MLC1: variants seen among roughly 807,000 people sequenced by gnomAD.
MLC1 encodes modulator of VRAC current 1.
In MLC1, 32 loss-of-function variants were observed where a neutral mutation model predicts 44.7. That is an observed-to-expected ratio of 0.72 (90% confidence interval 0.54 to 0.96). The LOEUF (loss-of-function observed/expected upper bound fraction) is 0.96, where lower values mean the gene tolerates loss of function less well. MLC1 is among the 40% of genes least tolerant of loss of function. The pLI is 0.00. For synonymous variants in MLC1, 190 were observed against 213.0 expected, an observed-to-expected ratio of 0.89 and a Z score of 0.94; for missense variants, 459 against 492.2, an observed-to-expected ratio of 0.93 and a Z score of 0.64.
At chr22:50,078,701 T>C (rs1422899991) in intron 5 of MLC1, among the ~76,000 whole-genome samples, 1 of 148,892 alleles carries the variant, frequency 6.7e-6, no homozygotes, top group Non-Finnish European at 1.5e-5. Context: ...ATGGAGCCAC[T>C]GCACTCCAGT....
chr22:50,071,590 T>C (rs137923), intron 8 of MLC1, among the ~76,000 whole-genome samples: 144,538 of 152,202 alleles, frequency 0.95, 68,715 homozygotes, highest in East Asian at 1. Flanking sequence ...GATTTCCTCA[T>C]GATGAGCCTT....
Position 50,060,921 on chromosome 22 carries a change from G to A in MLC1, c.*662C>T. 1 of 157,080 alleles carries A rather than the reference G, an allele frequency of 6.4e-6. No individual in the cohort carries two copies. The highest frequency in any genetic ancestry group is 6.0e-5 in the Admixed American group (1 of 16,618). The allele number at this position is 157,080 out of a possible 1,614,324, so 9.7% of individuals were successfully genotyped here. A position where few individuals can be genotyped will look rare whatever the true frequency, so the allele number is the denominator to read the frequency against. ...GTAGGGAGACAGGGCAGGCGACCCG[G>A]CGTGGACTGGTGTGGATTTCACCTG... On this transcript the variant is annotated 3_prime_UTR_variant, in exon 12 of 12. Coordinates refer to ENST00000311597, the MANE Select transcript of MLC1 (RefSeq NM_015166.4).
intron 4 of MLC1, 117 bp downstream of exon 4, chr22:50,080,227 C>T: frequency 7.4e-7 from 1 of 1,359,622 alleles, no homozygotes; most frequent in Non-Finnish European, 1.0e-6. Flanking sequence ...ACCTCGGGGG[C>T]CCCTCTCGGT....
At chr22:50,062,611 G>A (rs961714223) in intron 11 of MLC1, among the ~76,000 whole-genome samples, 1 of 152,268 alleles carries the variant, frequency 6.6e-6, no homozygotes, top group Non-Finnish European at 1.5e-5. Flanking sequence ...GACTTAGCGG[G>A]CACTGGAGGC....
chr22:50,074,531 G>A (rs904698944), intron 7 of MLC1, 199 bp from the exon 8 acceptor site: 15 of 614,314 alleles, frequency 2.4e-5, no homozygotes, highest in Admixed American at 7.5e-5. Flanking sequence ...GGCTTTTCAC[G>A]TCCCTCCTGG....
At chr22:50,082,162 G>A (rs1302620453) in intron 3 of MLC1, among the ~76,000 whole-genome samples, 1 of 152,046 alleles carries the variant, frequency 6.6e-6, no homozygotes, top group Non-Finnish European at 1.5e-5. Flanking sequence ...TGAAGCAGGA[G>A]GGGCGTGGGG....
intron 9 of MLC1, 128 bp downstream of exon 9, chr22:50,070,399 G>T: frequency 2.2e-6 from 2 of 926,876 alleles, no homozygotes; most frequent in Non-Finnish European, 3.4e-6. Context: ...TCATTGTGCA[G>T]GCCCTGCAGC....
At chr22:50,084,688 C>A in intron 2 of MLC1, 38 bp downstream of exon 2, 1 of 1,608,160 alleles carries the variant, frequency 6.2e-7, no homozygotes, top group Non-Finnish European at 8.5e-7. Context: ...GGACCAGATG[C>A]TCGTGGCCCT....
chr22:50,074,414 C>A lies in MLC1; in HGVS notation c.598-82G>T, dbSNP rs964499654. On this transcript the variant is annotated intron_variant, in intron 7 of 11. Coordinates refer to ENST00000311597, the MANE Select transcript of MLC1 (RefSeq NM_015166.4). ...CAGAATGCACTGTGCAGACATGGAC[C>A]CCCAGGAGCAGGGTCCAGTGGGCTG... 15 of 1,256,248 alleles carry A rather than the reference C, an allele frequency of 1.2e-5. No individual in the cohort carries two copies. The Admixed American group carries it at 2.0e-4, about 17-fold the overall frequency. 77.8% of individuals were successfully genotyped at this position (1,256,248 alleles called of 1,614,324 possible). A position where few individuals can be genotyped will look rare whatever the true frequency, so the allele number is the denominator to read the frequency against.
At chr22:50,080,817 C>T (rs905889737) in intron 3 of MLC1, among the ~76,000 whole-genome samples, 1 of 152,092 alleles carries the variant, frequency 6.6e-6, no homozygotes, top group Non-Finnish European at 1.5e-5. Context: ...TAGAATGTAA[C>T]TCACGCAGGC....
At chr22:50,085,022 A>G in intron 1 of MLC1, 61 bp from the exon 2 acceptor site, 2 of 1,518,324 alleles carry the variant, frequency 1.3e-6, no homozygotes. Flanking sequence ...GTTGTTTCCA[A>G]GAAATATTTT....
intron 3 of MLC1, among the ~76,000 whole-genome samples, chr22:50,082,226 G>A (rs2062162575): frequency 1.0e-5 from 1 of 95,532 alleles, no homozygotes; most frequent in Non-Finnish European, 2.5e-5. Context: ...GGGCCAGAGG[G>A]GCATGGGGTG....
At position 50,084,959 on chromosome 22, in the gene MLC1, T is replaced by C. The variant is rs2062245241; in HGVS notation, c.-57A>G. 6.3e-7 allele frequency: 1 copy of C among 1,598,832 alleles called. No individual in the cohort carries two copies. The highest frequency in any genetic ancestry group is 1.3e-5 in the African/African-American group (1 of 74,874). On this transcript the variant is annotated splice_region_variant and 5_prime_UTR_variant, in exon 2 of 12. The change creates a new upstream start codon in the 5' untranslated region. Transcript: ENST00000311597. ...GTACAGCCACGTGTCACCAGTTCTT[T>C]ATCTGGAATAAAATTATCATCGGCT...
At chr22:50,076,681 C>T (rs748782281) in intron 7 of MLC1, among the ~76,000 whole-genome samples, 160 bp downstream of exon 7, 2 of 152,242 alleles carry the variant, frequency 1.3e-5, no homozygotes, top group Non-Finnish European at 2.9e-5. Flanking sequence ...ACCAATGATA[C>T]CAATAACAGA....
intron 10 of MLC1, 69 bp from the exon 11 acceptor site, chr22:50,064,267 C>T (rs904622060): frequency 7.4e-5 from 113 of 1,531,824 alleles, no homozygotes; most frequent in African/African-American, 1.9e-4. Flanking sequence ...AAAGCTCCCT[C>T]GTGCCCACGG....
chr22:50,077,103 C>T (rs532122291), intron 6 of MLC1, among the ~76,000 whole-genome samples, 191 bp from the exon 7 acceptor site: 1 of 152,326 alleles, frequency 6.6e-6, no homozygotes, highest in African/African-American at 2.4e-5. Context: ...TGAAAATTAG[C>T]AGATGTGGTG....
chr22:50,076,599 C>T (rs1227340452), intron 7 of MLC1, among the ~76,000 whole-genome samples: 2 of 152,048 alleles, frequency 1.3e-5, no homozygotes, highest in African/African-American at 4.8e-5. Flanking sequence ...GTCAACTCAC[C>T]TACGGCAGTA....
At chr22:50,075,428 C>G (rs901255398) in intron 7 of MLC1, among the ~76,000 whole-genome samples, 1 of 152,100 alleles carries the variant, frequency 6.6e-6, no homozygotes, top group African/African-American at 2.4e-5. Flanking sequence ...AGCTGAATTC[C>G]CAGCCAGGCA....
intron 9 of MLC1, among the ~76,000 whole-genome samples, chr22:50,070,316 T>C (rs1342070034): frequency 6.6e-6 from 1 of 152,234 alleles, no homozygotes; most frequent in Non-Finnish European, 1.5e-5. Flanking sequence ...CACCACCTTG[T>C]TCAGGTCTGC....
Sources: gnomAD v4.1 joint callset for allele counts (sites outside exome capture counted in the v4.1 genomes callset) on GRCh38, gnomAD v4.1.1 for gene constraint, MANE v1.5 for transcripts, NCBI Gene and HGNC (gene_info 2026-07-23, HGNC 2026-07-21) for gene names.